Variants in ZMIZ1 observed in about 807,000 individuals in gnomAD.
ZMIZ1 encodes zinc finger MIZ domain-containing protein 1.
Under a neutral mutation model 113.9 loss-of-function variants are expected in ZMIZ1, and 17 were observed. The ratio of observed to expected loss-of-function variants is 0.15; its 90% CI spans 0.10 to 0.22. ZMIZ1 has a LOEUF of 0.22. ZMIZ1 is among the 10% of genes least tolerant of loss of function. ZMIZ1 has a pLI of 1.00. For missense variants in ZMIZ1, 1,059 were observed against 1,477.8 expected (o/e 0.72, Z 4.65); for synonymous variants, 607 against 603.1 (o/e 1.01, Z -0.09).
rs533912137 is a variant in ZMIZ1, at chr10:79,254,497, C to T, written c.281-22684C>T. Among the ~76,000 whole-genome samples the T allele has an allele frequency of 2.2e-4, 34 of 152,360 alleles. No homozygotes were observed. In the East Asian group the frequency reaches 4.4e-3, roughly 20 times the overall value. On this transcript the variant is annotated intron_variant, in intron 7 of 24. Transcript: ENST00000334512. ...CATGGGGAGGCTGCCGAGTGCTGCT[C>T]TTGCTCTAACTGGGGATCCACCCAC...
chr10:79,160,774 C>A (rs1846083472), intron 3 of ZMIZ1, among the ~76,000 whole-genome samples: 1 of 152,242 alleles, frequency 6.6e-6, no homozygotes, highest in African/African-American at 2.4e-5. Context: ...TGTATGGAGG[C>A]CTATGCTTCA....
chr10:79,089,009 C>T (rs1842910529), intron 1 of ZMIZ1, among the ~76,000 whole-genome samples: 1 of 152,244 alleles, frequency 6.6e-6, no homozygotes, highest in African/African-American at 2.4e-5. Context: ...GTCTTCTACT[C>T]CCTACGTGAG....
chr10:79,128,112 G>C (rs1844593758), intron 2 of ZMIZ1, among the ~76,000 whole-genome samples: 1 of 152,136 alleles, frequency 6.6e-6, no homozygotes, highest in Admixed American at 6.5e-5. Context: ...TCCCCTCCAG[G>C]CAGCAGGGTG....
At chr10:79,277,435 T>C (rs894827439) in intron 8 of ZMIZ1, 110 bp downstream of exon 8, 22 of 1,360,130 alleles carry the variant, frequency 1.6e-5, no homozygotes, top group Non-Finnish European at 1.6e-5. Flanking sequence ...ATGAGGATGT[T>C]GCATTTTCTA....
At chr10:79,301,581 T>A (rs1854302535) in intron 17 of ZMIZ1, among the ~76,000 whole-genome samples, 1 of 152,080 alleles carries the variant, frequency 6.6e-6, no homozygotes, top group Non-Finnish European at 1.5e-5. Flanking sequence ...AAGGAAACAC[T>A]CTGATCCACC....
At chr10:79,254,501 C>A (rs770777785) in intron 7 of ZMIZ1, among the ~76,000 whole-genome samples, 2 of 152,240 alleles carry the variant, frequency 1.3e-5, no homozygotes, top group African/African-American at 2.4e-5. Context: ...GCTGCTCTTG[C>A]TCTAACTGGG....
intron 2 of ZMIZ1, among the ~76,000 whole-genome samples, chr10:79,135,047 A>G (rs1336375713): frequency 6.6e-6 from 1 of 152,124 alleles, no homozygotes; most frequent in Non-Finnish European, 1.5e-5. Context: ...CGAACTCCTG[A>G]CCTCAGGTGA....
At chr10:79,130,508 C>T (rs924933715) in intron 2 of ZMIZ1, among the ~76,000 whole-genome samples, 4 of 152,232 alleles carry the variant, frequency 2.6e-5, no homozygotes, top group African/African-American at 9.6e-5. Context: ...CCCCCTTGAG[C>T]TGCTGCCATG....
chr10:79,072,171 GGGA>G (rs1183743454), intron 1 of ZMIZ1, among the ~76,000 whole-genome samples: 1 of 152,180 alleles, frequency 6.6e-6, no homozygotes, highest in Non-Finnish European at 1.5e-5. Context: ...AAGCAAAGGG[GGGA>G]GGAGGGTTCT....
At chr10:79,102,385 G>A (rs1843397394) in intron 1 of ZMIZ1, among the ~76,000 whole-genome samples, 1 of 152,238 alleles carries the variant, frequency 6.6e-6, no homozygotes, top group Non-Finnish European at 1.5e-5. Context: ...CCCCACCCGG[G>A]AGAGAAGGCC....
intron 2 of ZMIZ1, among the ~76,000 whole-genome samples, chr10:79,130,993 C>T (rs11002845): frequency 0.029 from 4,366 of 152,286 alleles, 81 homozygotes; most frequent in Non-Finnish European, 0.042. Flanking sequence ...GCTGCACCCC[C>T]GCCTGACATC....
At chr10:79,116,227 A>G (rs1844022678) in intron 1 of ZMIZ1, among the ~76,000 whole-genome samples, 1 of 152,004 alleles carries the variant, frequency 6.6e-6, no homozygotes, top group Admixed American at 6.6e-5. Flanking sequence ...TTGAGATCCC[A>G]GTTCCCCATC....
Position 79,303,961 on chromosome 10 carries a change from A to C in ZMIZ1, c.2126-54A>C, listed in dbSNP as rs561100512. 3 of 1,607,860 alleles carry C rather than the reference A, an allele frequency of 1.9e-6. No individual in the cohort carries two copies. In the South Asian group the frequency reaches 3.3e-5, roughly 18 times the overall value. ...AGTGGGGAGCACGTGCAGACCCCCT[A>C]CCTCTGCAGGACTGTCTTGCCATCC... is the stretch of plus-strand genomic sequence containing the variant. On this transcript the variant is annotated intron_variant, in intron 18 of 24. Coordinates refer to ENST00000334512, the MANE Select transcript of ZMIZ1 (RefSeq NM_020338.4).
intron 7 of ZMIZ1, among the ~76,000 whole-genome samples, chr10:79,245,535 A>G (rs1850141240): frequency 1.3e-5 from 2 of 152,174 alleles, no homozygotes; most frequent in Non-Finnish European, 2.9e-5. Flanking sequence ...GTCGGGGGGC[A>G]GAGGGATTGA....
At chr10:79,201,552 AT>A (rs1848080261) in intron 4 of ZMIZ1, 31 bp from the exon 5 acceptor site, 1 of 1,537,526 alleles carries the variant, frequency 6.5e-7, no homozygotes, top group African/African-American at 1.4e-5. Flanking sequence ...GCCTGGCGTG[AT>A]CCAGTGACAA....
At chr10:79,149,735 G>A (rs1008916340) in intron 3 of ZMIZ1, among the ~76,000 whole-genome samples, 3 of 152,224 alleles carry the variant, frequency 2.0e-5, no homozygotes, top group African/African-American at 7.2e-5. Context: ...TTCTGCATTC[G>A]AAGCCTGAAC....
chr10:79,287,198 G>T (rs1162456957), intron 8 of ZMIZ1, among the ~76,000 whole-genome samples: 1 of 152,240 alleles, frequency 6.6e-6, no homozygotes, highest in African/African-American at 2.4e-5. Flanking sequence ...ACCTCCCTGG[G>T]AGACAGAGGC....
At chr10:79,193,370 T>C (rs1350643141) in intron 4 of ZMIZ1, among the ~76,000 whole-genome samples, 1 of 152,216 alleles carries the variant, frequency 6.6e-6, no homozygotes, top group Non-Finnish European at 1.5e-5. Flanking sequence ...GTCATCGTTA[T>C]CCCACCAGAA....
intron 7 of ZMIZ1, among the ~76,000 whole-genome samples, chr10:79,262,072 G>T (rs1281639219): frequency 1.3e-5 from 2 of 152,188 alleles, no homozygotes; most frequent in African/African-American, 4.8e-5. Context: ...GCTTCTGCTG[G>T]CCCTAAGAAC....
Sources: gnomAD v4.1 joint callset for allele counts (sites outside exome capture counted in the v4.1 genomes callset) on GRCh38, gnomAD v4.1.1 for gene constraint, MANE v1.5 for transcripts, NCBI Gene and HGNC (gene_info 2026-07-23, HGNC 2026-07-21) for gene names.